SHB: variants seen among roughly 807,000 people sequenced by gnomAD.
The protein encoded by SHB is SH2 domain-containing adapter protein B.
A neutral mutation model predicts 52.3 loss-of-function variants in SHB; 20 were observed. The ratio of observed to expected loss-of-function variants is 0.38; its 90% confidence interval spans 0.27 to 0.56. The LOEUF (loss-of-function observed/expected upper bound fraction) is 0.56, where lower values mean the gene tolerates loss of function less well. Among genes scored for constraint, SHB ranks in the 20% least tolerant of loss-of-function variants. SHB has a pLI of 0.71. For missense variants in SHB, 825 were observed against 723.3 expected (o/e 1.14, Z -1.61); for synonymous variants, 397 against 316.5 (o/e 1.25, Z -2.70).
intron 5 of SHB, among the ~76,000 whole-genome samples, chr9:37,928,860 G>T (rs767166645): frequency 6.6e-6 from 1 of 152,244 alleles, no homozygotes; most frequent in Non-Finnish European, 1.5e-5. Context: ...AGTCCCACCT[G>T]AGCAGCACAT....
At chr9:37,934,621 G>A (rs1364826656) in intron 5 of SHB, among the ~76,000 whole-genome samples, 1 of 152,182 alleles carries the variant, frequency 6.6e-6, no homozygotes, top group Non-Finnish European at 1.5e-5. Context: ...ATTTTAAGAA[G>A]CAAAAGCCCA....
At chr9:37,991,128 T>C (rs141934481) in intron 2 of SHB, among the ~76,000 whole-genome samples, 1 of 152,336 alleles carries the variant, frequency 6.6e-6, no homozygotes, top group East Asian at 1.9e-4. Context: ...TCCTGTTTGA[T>C]ATTATCAATA....
At chr9:37,928,282 G>A (rs1454531633) in intron 5 of SHB, among the ~76,000 whole-genome samples, 1 of 152,252 alleles carries the variant, frequency 6.6e-6, no homozygotes, top group Non-Finnish European at 1.5e-5. Flanking sequence ...ACTGGCCACA[G>A]TGGATCCTGG....
intron 2 of SHB, among the ~76,000 whole-genome samples, chr9:37,996,108 C>T (rs1178659302): frequency 2.6e-5 from 4 of 152,176 alleles, no homozygotes; most frequent in Non-Finnish European, 4.4e-5. Flanking sequence ...TGAATAATGT[C>T]CAAGCCGAAA....
intron 4 of SHB, among the ~76,000 whole-genome samples, chr9:37,953,879 C>A (rs1460014901): frequency 6.6e-6 from 1 of 152,084 alleles, no homozygotes; most frequent in Non-Finnish European, 1.5e-5. Flanking sequence ...GGGAGTTAAT[C>A]GTGGGGAGAT....
At chr9:38,055,700 A>T (rs1278941611) in intron 1 of SHB, among the ~76,000 whole-genome samples, 2 of 152,062 alleles carry the variant, frequency 1.3e-5, no homozygotes, top group Admixed American at 6.5e-5. Flanking sequence ...CCCAGGCTTA[A>T]CTGTCTCTGA....
intron 3 of SHB, among the ~76,000 whole-genome samples, chr9:37,973,448 C>T (rs1346501126): frequency 3.3e-5 from 5 of 152,178 alleles, no homozygotes; most frequent in Non-Finnish European, 5.9e-5. Context: ...GTCTCGAACT[C>T]CCAACCTCAG....
intron 2 of SHB, among the ~76,000 whole-genome samples, chr9:37,978,804 C>T (rs1434166726): frequency 1.3e-5 from 2 of 152,010 alleles, no homozygotes; most frequent in African/African-American, 4.8e-5. Flanking sequence ...GGGATTATCG[C>T]GTAATTATTT....
intron 1 of SHB, among the ~76,000 whole-genome samples, chr9:38,066,136 GAA>G (rs1271783943): frequency 5.9e-5 from 9 of 152,228 alleles, no homozygotes; most frequent in Non-Finnish European, 8.8e-5. Context: ...ATCTGGTGAT[GAA>G]AAGAGTCAAG....
intron 1 of SHB, among the ~76,000 whole-genome samples, chr9:38,039,450 G>A (rs1821540902): frequency 6.6e-6 from 1 of 152,268 alleles, no homozygotes; most frequent in African/African-American, 2.4e-5. Flanking sequence ...AAGATCCGAA[G>A]GGGGTCATGG....
At chr9:38,044,759 T>C (rs952165513) in intron 1 of SHB, among the ~76,000 whole-genome samples, 4 of 152,232 alleles carry the variant, frequency 2.6e-5, no homozygotes, top group African/African-American at 7.2e-5. Context: ...TTTTACAGCA[T>C]ACTGGCTCTT....
chr9:38,057,299 G>A (rs963021081), intron 1 of SHB, among the ~76,000 whole-genome samples: 3 of 151,984 alleles, frequency 2.0e-5, no homozygotes, highest in Non-Finnish European at 2.9e-5. Context: ...TTTTTGTGGC[G>A]AGAAAAATAA....
chr9:37,958,097 G>T (rs1832655827), intron 3 of SHB, among the ~76,000 whole-genome samples: 2 of 152,136 alleles, frequency 1.3e-5, no homozygotes, highest in African/African-American at 4.8e-5. Context: ...GGAGGCAAGG[G>T]GTGTATGGGA....
intron 2 of SHB, chr9:38,015,462 C>T (rs1231071882): frequency 1.4e-6 from 1 of 702,974 alleles, no homozygotes; most frequent in Non-Finnish European, 2.6e-6. Context: ...GGGGGAATGT[C>T]TCCATGCTTC....
At chr9:38,059,195 T>A (rs1323143205) in intron 1 of SHB, among the ~76,000 whole-genome samples, 1 of 152,232 alleles carries the variant, frequency 6.6e-6, no homozygotes, top group Admixed American at 6.5e-5. Flanking sequence ...GGGTCCAGCC[T>A]GTAAGTCAAG....
chr9:37,946,258 G>A (rs1000648186), intron 5 of SHB, among the ~76,000 whole-genome samples: 1 of 152,200 alleles, frequency 6.6e-6, no homozygotes, highest in African/African-American at 2.4e-5. Context: ...CGCTGTGAGG[G>A]CAGAATCAAC....
chr9:37,954,948 G>A lies in SHB; in HGVS notation c.1226+935C>T, dbSNP rs531575272. On this transcript the variant is annotated intron_variant, in intron 4 of 5. Transcript: ENST00000377707. ...CACAGTGCTGGGGGGCAGCAAGAACGGAAAGGGATGTGGGACCTTGGGGGC... is the reference window on the plus strand; with the variant it reads ...CACAGTGCTGGGGGGCAGCAAGAACAGAAAGGGATGTGGGACCTTGGGGGC... Among the ~76,000 whole-genome samples, 191 of 152,152 alleles carry A rather than the reference G, an allele frequency of 1.3e-3. 1 individual carries two copies. The highest frequency in any genetic ancestry group is 4.3e-3 in the African/African-American group (179 of 41,500).
At chr9:37,924,535 A>T (rs1259921978) in intron 5 of SHB, among the ~76,000 whole-genome samples, 15 of 152,130 alleles carry the variant, frequency 9.9e-5, no homozygotes, top group Admixed American at 9.8e-4. Flanking sequence ...CAGTTACAGG[A>T]CTCCAGACAC....
intron 3 of SHB, among the ~76,000 whole-genome samples, chr9:37,967,252 C>T (rs1482025158): frequency 6.6e-6 from 1 of 152,194 alleles, no homozygotes; most frequent in Non-Finnish European, 1.5e-5. Context: ...TCCTTCCTTA[C>T]CTTAATGGGA....
Sources: allele counts gnomAD v4.1 joint callset (sites outside exome capture counted in the v4.1 genomes callset), GRCh38; gene constraint gnomAD v4.1.1; transcripts MANE v1.5; gene names NCBI Gene and HGNC (gene_info 2026-07-23, HGNC 2026-07-21).